The following SLC4A7 variants were observed in gnomAD, a reference collection of about 807,000 sequenced individuals.
The protein encoded by SLC4A7 is solute carrier family 4 member 7.
SLC4A7 carries 51 observed loss-of-function variants against 137.6 expected under a neutral mutation model. The ratio of observed to expected loss-of-function variants is 0.37; its 90% CI spans 0.30 to 0.47. The LOEUF is 0.47. Ranked by LOEUF, SLC4A7 falls within the 20% of genes least tolerant of loss-of-function variation. The pLI, the probability that SLC4A7 is intolerant of heterozygous loss-of-function variation, is 1.00. For synonymous variants in SLC4A7, 542 were observed against 518.6 expected (o/e 1.05, Z -0.61); for missense variants, 1,247 against 1,525.4 (o/e 0.82, Z 3.04).
rs372318609 is a variant in SLC4A7 at position 27,420,681 on chromosome 3, C to T, written c.1512+19G>A. ...ATAATTAGTGTCTACTTCAAAGAGACTTGGAGTATTCTGATTACCTCATCT... is the reference window on the plus strand; with the variant it reads ...ATAATTAGTGTCTACTTCAAAGAGATTTGGAGTATTCTGATTACCTCATCT... On this transcript the variant is annotated intron_variant, in intron 10 of 25. Coordinates refer to ENST00000454389, the MANE Select transcript of SLC4A7 (RefSeq NM_001321103.2). 8.7e-4 allele frequency: 1,285 copies of T among 1,479,088 alleles called. 1 individual carries two copies. Among genetic ancestry groups the T allele is most frequent in the Non-Finnish European group, 1.1e-3 (1,207 of 1,057,864 alleles). The allele number at this position is 1,479,088 out of a possible 1,614,324, so 91.6% of individuals were successfully genotyped here.
chr3:27,435,983 A>G (rs539941808), intron 5 of SLC4A7, among the ~76,000 whole-genome samples: 1 of 152,306 alleles, frequency 6.6e-6, no homozygotes, highest in East Asian at 1.9e-4. Flanking sequence ...ATTCCTGTCT[A>G]TACTTCTCTA....
intron 1 of SLC4A7, among the ~76,000 whole-genome samples, chr3:27,460,215 G>A (rs556193641): frequency 7.9e-5 from 12 of 151,942 alleles, no homozygotes; most frequent in Non-Finnish European, 1.5e-4. Flanking sequence ...TATATTTTAA[G>A]TAGAGACCAG....
At chr3:27,407,725 G>A (rs928767637) in intron 13 of SLC4A7, among the ~76,000 whole-genome samples, 4 of 152,046 alleles carry the variant, frequency 2.6e-5, no homozygotes, top group Non-Finnish European at 5.9e-5. Flanking sequence ...AGGTCTGTGT[G>A]TCTAATTTGC....
intron 4 of SLC4A7, 65 bp from the exon 5 acceptor site, chr3:27,436,613 G>T: frequency 8.9e-6 from 8 of 901,274 alleles, no homozygotes; most frequent in Non-Finnish European, 9.5e-6. Flanking sequence ...ATCTTAATGT[G>T]ATAAAGAAAC....
intron 1 of SLC4A7, among the ~76,000 whole-genome samples, chr3:27,454,325 G>C (rs1027595685): frequency 6.6e-6 from 1 of 152,084 alleles, no homozygotes; most frequent in African/African-American, 2.4e-5. Context: ...AATTAGCTGG[G>C]CGTGGTAGCG....
intron 11 of SLC4A7, among the ~76,000 whole-genome samples, chr3:27,414,379 C>G (rs1368727076): frequency 6.6e-6 from 1 of 152,078 alleles, no homozygotes; most frequent in East Asian, 1.9e-4. Flanking sequence ...CCCTGAAACT[C>G]AATCTAATAA....
chr3:27,438,550 A>AATAAC (rs573818733), intron 3 of SLC4A7, among the ~76,000 whole-genome samples: 4 of 151,568 alleles, frequency 2.6e-5, no homozygotes, highest in Admixed American at 6.6e-5. Context: ...AATAAAATAA[A>AATAAC]ATAACATAAC....
intron 1 of SLC4A7, among the ~76,000 whole-genome samples, chr3:27,477,212 A>G (rs934992879): frequency 3.9e-5 from 6 of 152,230 alleles, no homozygotes; most frequent in Admixed American, 1.3e-4. Flanking sequence ...TGGGCAGGAG[A>G]AATGTCATGT....
At position 27,409,382 on chromosome 3, in the gene SLC4A7, G is replaced by A; in HGVS notation, c.1915C>T (p.Leu639Phe). The change falls in exon 13 of 26, where the codon CTT becomes TTT. Residue 639 changes from leucine to phenylalanine, a missense_variant. This residue lies in a region of SLC4A7 where 499 missense variants were observed against 664.2 expected (regional missense o/e 0.75). Transcript: ENST00000454389. The stretch of plus-strand genomic sequence containing the variant: ...ATTCTGCCTTCTGTAGCTTCTCCAA[G>A]CAGCCCTCCAAAAGTGATTACAGGA... ...MSPVITFGGL[L>F]GEATEGRISA... 1 of 1,611,964 alleles carries A rather than the reference G, an allele frequency of 6.2e-7. No homozygotes were observed. Among genetic ancestry groups the A allele is most frequent in the Non-Finnish European group, 8.5e-7 (1 of 1,179,212 alleles).
In SLC4A7 at chr3:27,397,781, C is replaced by T. The variant is rs1559658759; in HGVS notation, c.2606G>A (p.Ser869Asn). Reference sequence around the variant, plus strand: ...TATTGTGAGAAATACAGCAAAATCACTGATTGTCGATCGCACCTATGTTAA... The same window carrying T: ...TATTGTGAGAAATACAGCAAAATCATTGATTGTCGATCGCACCTATGTTAA... ...YFPTKVRSTI[S>N]DFAVFLTIVI... Residue 869 changes from serine (S) to asparagine (N), a missense_variant, in exon 18 of 26, where the codon AGT (serine) becomes AAT (asparagine). This residue lies in a region of SLC4A7 where 499 missense variants were observed against 664.2 expected (regional missense o/e 0.75). Coordinates refer to ENST00000454389, the MANE Select transcript of SLC4A7 (RefSeq NM_001321103.2). 1.3e-6 allele frequency: 2 copies of T among 1,599,412 alleles called. No individual in the cohort carries two copies. Among genetic ancestry groups the T allele is most frequent in the Non-Finnish European group, 1.7e-6 (2 of 1,168,886 alleles).
chr3:27,481,807 G>T (rs1420547438), intron 1 of SLC4A7, among the ~76,000 whole-genome samples: 3 of 152,122 alleles, frequency 2.0e-5, no homozygotes, highest in Admixed American at 6.6e-5. Context: ...TAATTCCTTT[G>T]TCATCTGTCT....
chr3:27,425,924 G>A (rs1488592786), intron 7 of SLC4A7, among the ~76,000 whole-genome samples: 1 of 152,072 alleles, frequency 6.6e-6, no homozygotes, highest in African/African-American at 2.4e-5. Context: ...CCCATGCACA[G>A]CAACACATGG....
At chr3:27,483,240 G>C (rs2059790169) in intron 1 of SLC4A7, among the ~76,000 whole-genome samples, 2 of 152,228 alleles carry the variant, frequency 1.3e-5, no homozygotes, top group African/African-American at 4.8e-5. Context: ...AGCATGGGCC[G>C]TTCACCCATC....
Position 27,403,341 on chromosome 3 carries a change from G to T in SLC4A7, c.2119C>A (p.Leu707Met). 1 of 1,607,884 alleles carries T rather than the reference G, an allele frequency of 6.2e-7. No individual in the cohort carries two copies. Among genetic ancestry groups the T allele is most frequent in the South Asian group, 1.1e-5 (1 of 90,128 alleles). ...ACAATGCACAAAAAAGAAGTCCACAGACCAATACTGGTTCTTAAAGACAGA... is the reference window on the plus strand; with the variant it reads ...ACAATGCACAAAAAAGAAGTCCACATACCAATACTGGTTCTTAAAGACAGA... ...SYLSLRTSIG[L>M]WTSFLCIVLV... Residue 707 changes from leucine to methionine, a missense_variant, in exon 15 of 26, where the codon CTG (leucine) becomes ATG (methionine). Leu to Met is a conservative substitution (Grantham distance 15). Transcript: ENST00000454389.
rs2049842582 is a variant in SLC4A7 at position 27,375,487 on chromosome 3, C to T, written c.*1277G>A. 6.6e-6 allele frequency: 1 copy of T among 152,280 alleles called. No homozygotes were observed. Among genetic ancestry groups the T allele is most frequent in the Admixed American group, 6.6e-5 (1 of 15,246 alleles). 9.4% of individuals were successfully genotyped at this position (152,280 alleles called of 1,614,324 possible). ...TTTAAAAAGCTCAGAAAAGCAAAAA[C>T]TAATACACAAAATAAAAATGTCATT... is the stretch of plus-strand genomic sequence containing the variant. On this transcript the variant is annotated 3_prime_UTR_variant, in exon 26 of 26. Transcript: ENST00000454389.
At chr3:27,480,584 G>A (rs1010608726) in intron 1 of SLC4A7, among the ~76,000 whole-genome samples, 10 of 151,922 alleles carry the variant, frequency 6.6e-5, no homozygotes, top group East Asian at 1.9e-4. Flanking sequence ...CATGGATTGC[G>A]GCCCAGAGAT....
At chr3:27,385,617 TATGTA>T (rs924571883) in intron 23 of SLC4A7, among the ~76,000 whole-genome samples, 5 of 152,134 alleles carry the variant, frequency 3.3e-5, no homozygotes, top group African/African-American at 1.2e-4. Context: ...AAGCACATGA[TATGTA>T]ATTTTTGAAA....
rs919934920 is a variant in SLC4A7, at chr3:27,375,253, G to A, written c.*1511C>T. 1 of 151,968 alleles carries A rather than the reference G, an allele frequency of 6.6e-6. No homozygotes were observed. Among genetic ancestry groups the A allele is most frequent in the Non-Finnish European group, 1.5e-5 (1 of 67,884 alleles). The allele number at this position is 151,968 out of a possible 1,614,324, so 9.4% of individuals were successfully genotyped here. On this transcript the variant is annotated 3_prime_UTR_variant, in exon 26 of 26. Transcript: ENST00000454389. Reference sequence around the variant, plus strand: ...TAATTTAATTATATGGTTAAAGGGAGCATTGGAATTTCATAAAATTTTCAT... The same window carrying A: ...TAATTTAATTATATGGTTAAAGGGAACATTGGAATTTCATAAAATTTTCAT...
chr3:27,404,023 T>C (rs564038645), intron 14 of SLC4A7, among the ~76,000 whole-genome samples: 6 of 152,204 alleles, frequency 3.9e-5, no homozygotes, highest in African/African-American at 1.4e-4. Flanking sequence ...AAATATGTAA[T>C]AGCATCAAGT....
Sources: allele counts gnomAD v4.1 joint callset (sites outside exome capture counted in the v4.1 genomes callset), GRCh38; gene constraint gnomAD v4.1.1; regional missense constraint gnomAD v4.1.1; transcripts MANE v1.5; gene names NCBI Gene and HGNC (gene_info 2026-07-23, HGNC 2026-07-21).